Variants in SRPK1 observed in about 807,000 individuals in gnomAD.
SRPK1 encodes the protein SRSF protein kinase 1.
In SRPK1, 52 loss-of-function variants were observed where a neutral mutation model predicts 89.5. The ratio of observed to expected loss-of-function variants is 0.58; its 90% confidence interval spans 0.46 to 0.73. SRPK1 has a LOEUF of 0.73. Among genes scored for constraint, SRPK1 ranks in the 30% least tolerant of loss-of-function variants. SRPK1 has a pLI of 0.00. For missense variants in SRPK1, 603 were observed against 780.6 expected (o/e 0.77, Z 2.71); for synonymous variants, 255 against 270.2 (o/e 0.94, Z 0.55).
At position 35,885,901 on chromosome 6, in the gene SRPK1, T is replaced by G. The variant is rs2127255902; in HGVS notation, c.478+823A>C. ...AGATAAAAACATAAAACAAGTCAGT[T>G]TTTCATTATAATAGAATGTGAACAA... On this transcript the variant is annotated intron_variant, in intron 6 of 15. Coordinates refer to ENST00000373825, the MANE Select transcript of SRPK1 (RefSeq NM_003137.5). Among the ~76,000 whole-genome samples, 3 of 152,254 alleles carry G rather than the reference T, an allele frequency of 2.0e-5. No individual in the cohort carries two copies. The East Asian group carries it at 5.8e-4, about 29-fold the overall frequency.
chr6:35,867,199 T>C (rs747723238), intron 12 of SRPK1, among the ~76,000 whole-genome samples: 1 of 151,840 alleles, frequency 6.6e-6, no homozygotes, highest in Non-Finnish European at 1.5e-5. Flanking sequence ...GTGTTGCCAA[T>C]AGTCTACGGG....
chr6:35,911,387 T>G (rs112356474), intron 2 of SRPK1, among the ~76,000 whole-genome samples: 6,089 of 151,966 alleles, frequency 0.04, 156 homozygotes, highest in Non-Finnish European at 0.057. Context: ...ATAATAAAAC[T>G]TGAACAGATG....
At chr6:35,912,707 C>A (rs1770996541) in intron 2 of SRPK1, among the ~76,000 whole-genome samples, 2 of 152,152 alleles carry the variant, frequency 1.3e-5, no homozygotes, top group Non-Finnish European at 2.9e-5. Context: ...AGCAAAAGAG[C>A]TTACCTAAAG....
intron 2 of SRPK1, among the ~76,000 whole-genome samples, chr6:35,906,034 C>T (rs945023782): frequency 6.6e-6 from 1 of 152,016 alleles, no homozygotes; most frequent in African/African-American, 2.4e-5. Flanking sequence ...GGAGAGACAG[C>T]TATTTCCTAG....
chr6:35,889,349 A>AAAAAC (rs201794672), intron 3 of SRPK1, among the ~76,000 whole-genome samples: 2 of 151,988 alleles, frequency 1.3e-5, no homozygotes, highest in East Asian at 1.9e-4. Context: ...TTCTCTAAAT[A>AAAAAC]AAAACAAAAC....
At chr6:35,868,836 G>A (rs1034602205) in intron 12 of SRPK1, among the ~76,000 whole-genome samples, 174 bp downstream of exon 12, 1 of 152,090 alleles carries the variant, frequency 6.6e-6, no homozygotes, top group African/African-American at 2.4e-5. Flanking sequence ...TTCTACTTTC[G>A]TAAGTATATT....
chr6:35,884,713 C>T (rs1243484215), intron 6 of SRPK1, among the ~76,000 whole-genome samples: 4 of 151,960 alleles, frequency 2.6e-5, no homozygotes, highest in Non-Finnish European at 5.9e-5. Context: ...TGAAAAATAT[C>T]TTGGGGGCCG....
At chr6:35,866,981 T>G (rs997613903) in intron 12 of SRPK1, among the ~76,000 whole-genome samples, 3 of 152,086 alleles carry the variant, frequency 2.0e-5, no homozygotes, top group Admixed American at 6.5e-5. Context: ...GGAGGTATAG[T>G]GTGGAATGAT....
chr6:35,842,647 G>T, intron 13 of SRPK1, 43 bp from the exon 14 acceptor site: 1 of 1,491,846 alleles, frequency 6.7e-7, no homozygotes, highest in Non-Finnish European at 9.0e-7. Context: ...CAAAAGAAAA[G>T]AAGGCCTTTG....
intron 2 of SRPK1, among the ~76,000 whole-genome samples, chr6:35,905,255 T>C (rs551747149): frequency 1.3e-5 from 2 of 152,330 alleles, no homozygotes; most frequent in South Asian, 2.1e-4. Context: ...GTGGTAATAG[T>C]GGACCCATCT....
chr6:35,900,315 A>G (rs930429069), intron 2 of SRPK1, among the ~76,000 whole-genome samples: 1 of 152,254 alleles, frequency 6.6e-6, no homozygotes, highest in Non-Finnish European at 1.5e-5. Flanking sequence ...TGGTTAATAC[A>G]GTGCCTGAAC....
intron 2 of SRPK1, among the ~76,000 whole-genome samples, chr6:35,899,607 A>C (rs963862672): frequency 1.3e-5 from 2 of 152,222 alleles, no homozygotes; most frequent in Non-Finnish European, 1.5e-5. Flanking sequence ...TGCCCCCAAC[A>C]GAACTAGACT....
intron 6 of SRPK1, among the ~76,000 whole-genome samples, chr6:35,884,231 A>G (rs2127255015): frequency 6.6e-6 from 1 of 152,302 alleles, no homozygotes; most frequent in South Asian, 2.1e-4. Context: ...AGCAGACAAT[A>G]ATGACTGGCT....
rs780869892 is a variant in SRPK1 at position 35,920,467 on chromosome 6, C to T, written c.74+1G>A. 6 of 1,613,258 alleles carry T rather than the reference C, an allele frequency of 3.7e-6. No homozygotes were observed. The highest frequency in any genetic ancestry group is 1.1e-5 in the South Asian group (1 of 91,084). Reference sequence around the variant, plus strand: ...ATGGGATGTTGGGGTACAAGACTCACTTCCTTTGGGCTTTGTCCTTCTTGG... The same window carrying T: ...ATGGGATGTTGGGGTACAAGACTCATTTCCTTTGGGCTTTGTCCTTCTTGG... On this transcript the variant is annotated splice_donor_variant, in intron 2 of 15. Transcript: ENST00000373825. LOFTEE classifies it high-confidence loss of function.
chr6:35,857,453 A>G, intron 12 of SRPK1, 85 bp from the exon 13 acceptor site: 2 of 1,148,886 alleles, frequency 1.7e-6, no homozygotes, highest in Admixed American at 2.2e-5. Context: ...ATGAAAATAA[A>G]CTCTCTGAAG....
At chr6:35,908,425 T>C (rs1770894887) in intron 2 of SRPK1, among the ~76,000 whole-genome samples, 1 of 152,218 alleles carries the variant, frequency 6.6e-6, no homozygotes, top group Admixed American at 6.5e-5. Flanking sequence ...CATGCTATGC[T>C]TTAGCAGAGA....
intron 12 of SRPK1, among the ~76,000 whole-genome samples, chr6:35,861,511 C>T (rs1769782289): frequency 6.6e-6 from 1 of 152,180 alleles, no homozygotes; most frequent in African/African-American, 2.4e-5. Flanking sequence ...GGAGGCTAGG[C>T]ACTCTCATGC....
intron 2 of SRPK1, among the ~76,000 whole-genome samples, chr6:35,895,435 T>TTGTGTGTGTGTGTGTG (rs10566123): frequency 2.0e-4 from 29 of 147,868 alleles, no homozygotes; most frequent in African/African-American, 5.7e-4. Flanking sequence ...AGGCATATGC[T>TTGTGTGTGTGTGTGTG]TGTGTGTGTG....
chr6:35,866,869 A>G (rs914073897), intron 12 of SRPK1, among the ~76,000 whole-genome samples: 6 of 151,844 alleles, frequency 4.0e-5, no homozygotes, highest in African/African-American at 1.5e-4. Context: ...TTGCAGCAAC[A>G]TGGATGGAAC....
Sources: allele counts gnomAD v4.1 joint callset (sites outside exome capture counted in the v4.1 genomes callset), GRCh38; gene constraint gnomAD v4.1.1; transcripts MANE v1.5; gene names NCBI Gene and HGNC (gene_info 2026-07-23, HGNC 2026-07-21).